The following MTERF3 variants were observed in gnomAD, a reference collection of about 807,000 sequenced individuals.
MTERF3 encodes the protein transcription termination factor 3, mitochondrial.
In MTERF3, 40 loss-of-function variants were observed where a neutral mutation model predicts 40.5. That is an observed-to-expected ratio of 0.99 (90% CI 0.77 to 1.29). MTERF3 has a LOEUF of 1.29. Ranked by LOEUF, MTERF3 falls within the 50% of genes most tolerant of loss-of-function variation. The probability of loss-of-function intolerance (pLI) is 0.00; values close to 1 mark genes in which losing one functional copy is unlikely to be tolerated. For missense variants in MTERF3, 452 were observed against 478.2 expected (o/e 0.95, Z 0.51); for synonymous variants, 158 against 166.6 (o/e 0.95, Z 0.40).
intron 7 of MTERF3, among the ~76,000 whole-genome samples, chr8:96,240,895 A>C (rs1809915067): frequency 6.6e-6 from 1 of 152,150 alleles, no homozygotes; most frequent in Admixed American, 6.5e-5. Context: ...TGAAAACCAA[A>C]GTACTATGAG....
chr8:96,239,957 T>C (rs566548429), intron 7 of MTERF3: 22 of 607,296 alleles, frequency 3.6e-5, no homozygotes, highest in Non-Finnish European at 6.1e-5. Flanking sequence ...CAGAGGAGAA[T>C]GTGTTAAAAA....
Position 96,243,921 on chromosome 8 carries a change from G to A in MTERF3, c.1057C>T (p.Gln353Ter), listed in dbSNP as rs1210695690. 1.9e-6 allele frequency: 3 copies of A among 1,613,630 alleles called. No homozygotes were observed. The highest frequency in any genetic ancestry group is 1.7e-5 in the Admixed American group (1 of 59,934). Residue 353 changes from glutamine (Q) to a stop codon, truncating the protein, a stop_gained and splice_region_variant, in exon 7 of 8, where the codon CAG (glutamine) becomes TAG (stop). Transcript: ENST00000287025. LOFTEE classifies it high-confidence loss of function. The part of the protein sequence containing the change: ...IPHHIIVKFP[Q>*]VFNTRLFKVK... ...GAGAGAGCTGTGAGTGGCATTACCT[G>A]TGGGAACTTGACAATGATGTGGTGG...
rs1809883584 is a variant in MTERF3 at position 96,239,640 on chromosome 8, GAAAC to G, written c.1101_1104del (p.Leu367PhefsTer5). 6.2e-7 allele frequency: 1 copy of G among 1,603,802 alleles called. No individual in the cohort carries two copies. Among genetic ancestry groups the G allele is most frequent in the Admixed American group, 1.8e-5 (1 of 56,218 alleles). ...TACTGTGCTCTTCCTAAATAGGTAA[GAAAC>G]AAGTGTCTTTCTTTGACCTTAAACA... On this transcript the variant is annotated frameshift_variant, in exon 8 of 8. Coordinates refer to ENST00000287025, the MANE Select transcript of MTERF3 (RefSeq NM_015942.5). LOFTEE classifies it high-confidence loss of function.
intron 1 of MTERF3, among the ~76,000 whole-genome samples, chr8:96,258,988 G>GCTTA (rs1304447803): frequency 6.6e-6 from 1 of 152,164 alleles, no homozygotes; most frequent in Non-Finnish European, 1.5e-5. Flanking sequence ...TAAGAAAAAT[G>GCTTA]CTTAAAACAA....
chr8:96,257,406 A>T (rs908487554), intron 2 of MTERF3: 3 of 234,242 alleles, frequency 1.3e-5, no homozygotes, highest in African/African-American at 6.8e-5. Context: ...CTAACTTTCA[A>T]GTGAATTTTG....
chr8:96,260,287 G>A (rs1365108463), intron 1 of MTERF3: 1 of 152,082 alleles, frequency 6.6e-6, no homozygotes, highest in Non-Finnish European at 1.5e-5. Flanking sequence ...GTGGGAAATG[G>A]GACTCCAAAT....
chr8:96,254,439 C>A (rs1810245305), intron 3 of MTERF3, among the ~76,000 whole-genome samples: 2 of 152,134 alleles, frequency 1.3e-5, no homozygotes, highest in South Asian at 4.1e-4. Flanking sequence ...CCACCCCACT[C>A]CCCAGCTCCC....
chr8:96,258,782 G>A, intron 1 of MTERF3, 82 bp from the exon 2 acceptor site: 1 of 1,038,834 alleles, frequency 9.6e-7, no homozygotes, highest in Non-Finnish European at 1.4e-6. Context: ...ACAACAAAAA[G>A]ATAAACTGGA....
intron 6 of MTERF3, 63 bp downstream of exon 6, chr8:96,245,797 T>G (rs1810009448): frequency 2.1e-6 from 3 of 1,430,218 alleles, no homozygotes; most frequent in Non-Finnish European, 2.9e-6. Flanking sequence ...CAAAATCTGT[T>G]CTCTTCAGAG....
intron 3 of MTERF3, among the ~76,000 whole-genome samples, chr8:96,256,143 C>T (rs1810275149): frequency 6.6e-6 from 1 of 152,134 alleles, no homozygotes; most frequent in Non-Finnish European, 1.5e-5. Context: ...AATAAAATGC[C>T]AGACTAAAAA....
In MTERF3 at chr8:96,243,631, C is replaced by T. The variant is rs561604192; in HGVS notation, c.1059+288G>A. Reference sequence around the variant, plus strand: ...AACTGTGACTAAAAAGTACACGTAGCAGTGAAAGGACCTTTAAGGGAAGTG... The same window carrying T: ...AACTGTGACTAAAAAGTACACGTAGTAGTGAAAGGACCTTTAAGGGAAGTG... On this transcript the variant is annotated intron_variant, in intron 7 of 7. Transcript: ENST00000287025. Among the ~76,000 whole-genome samples, 9 of 152,232 alleles carry T rather than the reference C, an allele frequency of 5.9e-5. No homozygotes were observed. The South Asian group carries it at 1.9e-3, about 32-fold the overall frequency.
At chr8:96,247,262 T>C (rs1810038949) in intron 4 of MTERF3, among the ~76,000 whole-genome samples, 1 of 152,174 alleles carries the variant, frequency 6.6e-6, no homozygotes, top group African/African-American at 2.4e-5. Context: ...TGAGTGACCA[T>C]GCCTGGCCTG....
At chr8:96,260,098 G>C (rs1286171755) in intron 1 of MTERF3, 1 of 152,082 alleles carries the variant, frequency 6.6e-6, no homozygotes, top group Non-Finnish European at 1.5e-5. Flanking sequence ...TAGAGACGGG[G>C]TTTCACCATC....
chr8:96,256,307 C>T (rs1011862474), intron 3 of MTERF3, among the ~76,000 whole-genome samples: 11 of 151,890 alleles, frequency 7.2e-5, no homozygotes, highest in East Asian at 3.9e-4. Flanking sequence ...GGAAGGAGGT[C>T]GGGGTAGTGT....
At chr8:96,255,687 G>A (rs1810266922) in intron 3 of MTERF3, among the ~76,000 whole-genome samples, 1 of 148,954 alleles carries the variant, frequency 6.7e-6, no homozygotes, top group Middle Eastern at 3.5e-3. Flanking sequence ...GTTTCTAACA[G>A]AGCACAGATT....
At chr8:96,254,948 G>C (rs1338465461) in intron 3 of MTERF3, among the ~76,000 whole-genome samples, 1 of 152,188 alleles carries the variant, frequency 6.6e-6, no homozygotes, top group Non-Finnish European at 1.5e-5. Context: ...AGACACTTTA[G>C]AAGTTACTTG....
intron 7 of MTERF3, 78 bp from the exon 8 acceptor site, chr8:96,239,763 T>G: frequency 1.9e-6 from 2 of 1,052,898 alleles, no homozygotes; most frequent in Non-Finnish European, 2.8e-6. Context: ...TGGCAAAAAT[T>G]TTAATAGGTT....
At chr8:96,239,759 A>G (rs1162845798) in intron 7 of MTERF3, 74 bp from the exon 8 acceptor site, 1 of 1,104,938 alleles carries the variant, frequency 9.1e-7, no homozygotes, top group African/African-American at 1.6e-5. Flanking sequence ...TACTTGGCAA[A>G]AATTTTAATA....
At chr8:96,256,222 A>T (rs1219874017) in intron 3 of MTERF3, among the ~76,000 whole-genome samples, 1 of 152,216 alleles carries the variant, frequency 6.6e-6, no homozygotes, top group Non-Finnish European at 1.5e-5. Context: ...TCCAAGTGCA[A>T]CCTAATGGTC....
Sources: gnomAD v4.1 joint callset for allele counts (sites outside exome capture counted in the v4.1 genomes callset) on GRCh38, gnomAD v4.1.1 for gene constraint, MANE v1.5 for transcripts, NCBI Gene and HGNC (gene_info 2026-07-23, HGNC 2026-07-21) for gene names.